FIZ1: variants seen among roughly 807,000 people sequenced by gnomAD.
FIZ1 encodes FLT3 interacting zinc finger 1, also known as flt3-interacting zinc finger protein 1.
Under a neutral mutation model 5.3 loss-of-function variants are expected in FIZ1, and 2 were observed. The ratio of observed to expected loss-of-function variants is 0.37; its 90% CI spans 0.15 to 1.18. The LOEUF (loss-of-function observed/expected upper bound fraction) is 1.18. Ranked by LOEUF, FIZ1 falls within the 50% of genes most tolerant of loss-of-function variation. FIZ1 has a pLI of 0.37. For missense variants in FIZ1, 631 were observed against 749.7 expected, an observed-to-expected ratio of 0.84 and a Z score of 1.85; for synonymous variants, 407 against 364.2, an observed-to-expected ratio of 1.12 and a Z score of -1.34.
rs1440830245 is a variant in FIZ1 at position 55,591,573 on chromosome 19, A to AGT, written c.*875_*876dup. ...CTACGGAGAGAGGGAAGGAAACCCC[A>AGT]GTGTCCACCACCTCCCACTCAGATG... On this transcript the variant is annotated 3_prime_UTR_variant, in exon 3 of 3. Coordinates refer to ENST00000221665, the MANE Select transcript of FIZ1 (RefSeq NM_032836.3). 6.6e-6 allele frequency: 1 copy of AGT among 152,362 alleles called. No homozygotes were observed. The highest frequency in any genetic ancestry group is 1.5e-5 in the Non-Finnish European group (1 of 68,162). 9.4% of individuals were successfully genotyped at this position (152,362 alleles called of 1,614,324 possible).
At position 55,592,772 on chromosome 19, in the gene FIZ1, GC is replaced by G; in HGVS notation, c.1168del (p.Ala390ArgfsTer100). 1 of 1,597,432 alleles carries G rather than the reference GC, an allele frequency of 6.3e-7. No individual in the cohort carries two copies. Among genetic ancestry groups the G allele is most frequent in the Non-Finnish European group, 8.5e-7 (1 of 1,175,316 alleles). ...CGGTTCCCTTTCCCGGGCGGCGGTC[GC>G]CGCCTCCTCCCCGCCGCCCTCACCG... is the stretch of plus-strand genomic sequence containing the variant. ...SHGEGGGEEA[A>X]TAAREREPAS... On this transcript the variant is annotated frameshift_variant, in exon 3 of 3. Coordinates refer to ENST00000221665, the MANE Select transcript of FIZ1 (RefSeq NM_032836.3). LOFTEE classifies it low-confidence loss of function (END_TRUNC). The surrounding 1 kb of genome is among the most constrained non-coding windows in gnomAD (Gnocchi z 6.9).
Position 55,592,279 on chromosome 19 carries a change from C to T in FIZ1, c.*171G>A, listed in dbSNP as rs1568514609. ...GTTTGTGGTCCCCCAGCTCCGGGGC[C>T]TTTGTGGGTTTTTGGTGGCCCCCAC... On this transcript the variant is annotated 3_prime_UTR_variant, in exon 3 of 3. Transcript: ENST00000221665. The surrounding 1 kb of genome is among the most constrained non-coding windows in gnomAD (Gnocchi z 6.9). 2.0e-5 allele frequency: 14 copies of T among 699,828 alleles called. No individual in the cohort carries two copies. The highest frequency in any genetic ancestry group is 3.2e-5 in the Non-Finnish European group (14 of 440,160). The allele number at this position is 699,828 out of a possible 1,614,324, so 43.4% of individuals were successfully genotyped here.
At chr19:55,597,509 G>C in intron 2 of FIZ1, 63 bp downstream of exon 2, 1 of 1,541,762 alleles carries the variant, frequency 6.5e-7, no homozygotes, top group South Asian at 1.2e-5. Context: ...GTACAGTGGG[G>C]CGCGGGATCC....
At position 55,592,729 on chromosome 19, in the gene FIZ1, C is replaced by G; in HGVS notation, c.1212G>C (p.Pro404=). ...TCTTCTTGCCGCGGCCGGAGCCAGACGGGGGTTCCCCGGACGCCGGTTCCC... is the reference window on the plus strand; with the variant it reads ...TCTTCTTGCCGCGGCCGGAGCCAGAGGGGGGTTCCCCGGACGCCGGTTCCC... ...REREPASGEP[P]SGSGRGKKIF... Residue 404 remains proline (P), a synonymous_variant, in exon 3 of 3, where the codon CCG becomes CCC. Transcript: ENST00000221665. This position sits in a 1 kb window ranked among gnomAD's most constrained non-coding sequence, Gnocchi z 6.9. 6.2e-7 allele frequency: 1 copy of G among 1,605,832 alleles called. No homozygotes were observed. Among genetic ancestry groups the G allele is most frequent in the Non-Finnish European group, 8.5e-7 (1 of 1,175,564 alleles).
chr19:55,599,144 A>C (rs2082235582), intron 1 of FIZ1: 3 of 147,488 alleles, frequency 2.0e-5, no homozygotes, highest in Non-Finnish European at 4.5e-5. Context: ...TCCCACTTCC[A>C]CTCTAAGCTC....
At chr19:55,596,459 C>A (rs991256419) in intron 2 of FIZ1, among the ~76,000 whole-genome samples, 1 of 152,118 alleles carries the variant, frequency 6.6e-6, no homozygotes, top group African/African-American at 2.4e-5. Context: ...TCCACCCCAA[C>A]CCCACAGTCT....
Position 55,597,901 on chromosome 19 carries a change from T to C in FIZ1, c.-36A>G, listed in dbSNP as rs760820625. On this transcript the variant is annotated splice_region_variant and 5_prime_UTR_variant, in exon 2 of 3. An upstream open reading frame in the 5' UTR loses its in-frame stop. Coordinates refer to ENST00000221665, the MANE Select transcript of FIZ1 (RefSeq NM_032836.3). ...AATACAGTGGTATGTGGGGGCTCTCTCTGGAGTAGTGGGGAGACAGAGGAG... is the reference window on the plus strand; with the variant it reads ...AATACAGTGGTATGTGGGGGCTCTCCCTGGAGTAGTGGGGAGACAGAGGAG... 1 of 1,533,094 alleles carries C rather than the reference T, an allele frequency of 6.5e-7. No homozygotes were observed. The allele number at this position is 1,533,094 out of a possible 1,614,324, so 95.0% of individuals were successfully genotyped here.
In FIZ1 at chr19:55,593,393, C is replaced by G; in HGVS notation, c.548G>C (p.Ser183Thr). 7.1e-7 allele frequency: 1 copy of G among 1,405,094 alleles called. No homozygotes were observed. Among genetic ancestry groups the G allele is most frequent in the East Asian group, 3.0e-5 (1 of 33,688 alleles). The allele number at this position is 1,405,094 out of a possible 1,614,324, so 87.0% of individuals were successfully genotyped here. A position where few individuals can be genotyped will look rare whatever the true frequency, so the allele number is the denominator to read the frequency against. The change falls in exon 3 of 3, where the codon AGC (serine) becomes ACC (threonine). Residue 183 changes from serine (S) to threonine (T), a missense_variant. By Grantham distance (58) the Ser-to-Thr change is moderately conservative. Around this residue, in one of 4 missense-constraint regions of FIZ1, gnomAD observed 463 missense variants for 455.1 expected, o/e 1.02. Coordinates refer to ENST00000221665, the MANE Select transcript of FIZ1 (RefSeq NM_032836.3). This position sits in a 1 kb window ranked among gnomAD's most constrained non-coding sequence, Gnocchi z 6.3. ...AGCTGCCGCCTCTGCCAGCCCCCAG[C>G]TGCCCAGACCCGCGCCTGCCCCCTC... The part of the protein sequence containing the change: ...GPEGAGAGLG[S>T]WGLAEAAAAA...
At position 55,592,561 on chromosome 19, in the gene FIZ1, G is replaced by A. The variant is rs1218053100; in HGVS notation, c.1380C>T (p.His460=). 2.5e-6 allele frequency: 4 copies of A among 1,612,352 alleles called. No individual in the cohort carries two copies. In the African/African-American group the frequency reaches 5.3e-5, roughly 22 times the overall value. Residue 460 remains histidine, a synonymous_variant, in exon 3 of 3, where the codon CAC becomes CAT. Transcript: ENST00000221665. The surrounding 1 kb of genome is among the most constrained non-coding windows in gnomAD (Gnocchi z 6.9). ...FFRHECYLKR[H]RLLHGTERPF... Reference sequence around the variant, plus strand: ...GCCGCTCGGTGCCGTGCAGCAGCCGGTGGCGCTTGAGGTAGCACTCGTGGC... The same window carrying A: ...GCCGCTCGGTGCCGTGCAGCAGCCGATGGCGCTTGAGGTAGCACTCGTGGC...
In FIZ1 at chr19:55,592,842, A is replaced by G. The variant is rs1980088162; in HGVS notation, c.1099T>C (p.Tyr367His). 6.4e-7 allele frequency: 1 copy of G among 1,562,234 alleles called. No individual in the cohort carries two copies. Residue 367 changes from tyrosine (Y) to histidine (H), a missense_variant, in exon 3 of 3, where the codon TAC becomes CAC. Tyr to His is a moderately conservative substitution (Grantham distance 83). Coordinates refer to ENST00000221665, the MANE Select transcript of FIZ1 (RefSeq NM_032836.3). This position sits in a 1 kb window ranked among gnomAD's most constrained non-coding sequence, Gnocchi z 6.9. ...TYGCGHCGAL[Y>H]AALAALEEHR... Reference sequence around the variant, plus strand: ...TCCTCCAAGGCGGCCAGCGCCGCGTACAGAGCCCCGCAGTGGCCGCAGCCG... The same window carrying G: ...TCCTCCAAGGCGGCCAGCGCCGCGTGCAGAGCCCCGCAGTGGCCGCAGCCG...
chr19:55,592,914 C>T lies in FIZ1; in HGVS notation c.1027G>A (p.Ala343Thr). The T allele has an allele frequency of 6.5e-7, 1 of 1,546,202 alleles. No homozygotes were observed. Among genetic ancestry groups the T allele is most frequent in the Non-Finnish European group, 8.7e-7 (1 of 1,154,104 alleles). The change falls in exon 3 of 3, where the codon GCG becomes ACG. Residue 343 changes from alanine (A) to threonine (T), a missense_variant. Around this residue, in one of 4 missense-constraint regions of FIZ1, gnomAD observed 463 missense variants for 455.1 expected, o/e 1.02. Transcript: ENST00000221665. The surrounding 1 kb of genome is among the most constrained non-coding windows in gnomAD (Gnocchi z 6.9). ...CDCGTFFASA[A>T]ALASHLEAHS... Reference sequence around the variant, plus strand: ...GCCTCCAGGTGACTGGCCAGGGCCGCGGCCGACGCAAAGAAGGTCCCGCAG... The same window carrying T: ...GCCTCCAGGTGACTGGCCAGGGCCGTGGCCGACGCAAAGAAGGTCCCGCAG...
chr19:55,593,482 G>C lies in FIZ1; in HGVS notation c.459C>G (p.Val153=). Residue 153 remains valine, a synonymous_variant, in exon 3 of 3, where the codon GTC becomes GTG. Transcript: ENST00000221665. This position sits in a 1 kb window ranked among gnomAD's most constrained non-coding sequence, Gnocchi z 6.3. The part of the protein sequence containing the change: ...GLPALSAPCS[V]CCNVGPCSVC... The stretch of plus-strand genomic sequence containing the variant: ...CCGAGCAGGGCCCCACATTGCAGCA[G>C]ACGGAGCAGGGCGCACTCAAGGCGG... The C allele has an allele frequency of 6.5e-7, 1 of 1,548,736 alleles. No homozygotes were observed. The highest frequency in any genetic ancestry group is 8.7e-7 in the Non-Finnish European group (1 of 1,146,436).
At chr19:55,597,084 G>C (rs896619467) in intron 2 of FIZ1, among the ~76,000 whole-genome samples, 1 of 152,234 alleles carries the variant, frequency 6.6e-6, no homozygotes, top group Non-Finnish European at 1.5e-5. Context: ...CCAAAAGAAA[G>C]TAAGTTTTCT....
At chr19:55,596,419 T>C (rs1277047137) in intron 2 of FIZ1, among the ~76,000 whole-genome samples, 1 of 152,154 alleles carries the variant, frequency 6.6e-6, no homozygotes, top group African/African-American at 2.4e-5. Flanking sequence ...GAGTGTGACC[T>C]AGCCCGTCCC....
rs1599984626 is a variant in FIZ1, at chr19:55,593,111, C to A, written c.830G>T (p.Gly277Val). ...AGCGTCGCCCGCCTCCGCAGCGGTGCCTTCGCCCGCCGTCTCGGGCCCTGC... is the reference window on the plus strand; with the variant it reads ...AGCGTCGCCCGCCTCCGCAGCGGTGACTTCGCCCGCCGTCTCGGGCCCTGC... ...PGAGPETAGE[G>V]TAAEAGDAPL... Residue 277 changes from glycine to valine, a missense_variant, in exon 3 of 3, where the codon GGC becomes GTC. Gly to Val is a moderately radical substitution (Grantham distance 109). This residue lies in a region of FIZ1 where 463 missense variants were observed against 455.1 expected (regional missense o/e 1.02). Transcript: ENST00000221665. The surrounding 1 kb of genome is among the most constrained non-coding windows in gnomAD (Gnocchi z 6.3). 2.3e-6 allele frequency: 3 copies of A among 1,287,038 alleles called. No individual in the cohort carries two copies. In the East Asian group the frequency reaches 1.2e-4, roughly 50 times the overall value. 79.7% of individuals were successfully genotyped at this position (1,287,038 alleles called of 1,614,324 possible).
At position 55,597,707 on chromosome 19, in the gene FIZ1, A is replaced by G; in HGVS notation, c.159T>C (p.Cys53=). The change falls in exon 2 of 3, where the codon TGT becomes TGC. Residue 53 remains cysteine, a synonymous_variant. Transcript: ENST00000221665. ...GCTTGAAACCCTTGCCGCAGCGCGG[A>G]CATGCGTGGGGCTTGAGCGCTGTGT... ...ARHTALKPHA[C]PRCGKGFKHS... is the part of the protein sequence containing the mutation. The G allele has an allele frequency of 6.2e-7, 1 of 1,614,028 alleles. No individual in the cohort carries two copies. The highest frequency in any genetic ancestry group is 8.5e-7 in the Non-Finnish European group (1 of 1,179,936).
Position 55,597,617 on chromosome 19 carries a change from G to A in FIZ1, c.249C>T (p.Ala83=), listed in dbSNP as rs764383599. Residue 83 remains alanine, a synonymous_variant, in exon 2 of 3, where the codon GCC becomes GCT. Coordinates refer to ENST00000221665, the MANE Select transcript of FIZ1 (RefSeq NM_032836.3). ...TGGAGTCGCGGAACCCCTTGGGGCA[G>A]GCAGAGCAGCGGTAGGGCCGCTCCC... ...HTGERPYRCS[A]CPKGFRDSTG... 6.2e-7 allele frequency: 1 copy of A among 1,613,420 alleles called. No homozygotes were observed. Among genetic ancestry groups the A allele is most frequent in the Non-Finnish European group, 8.5e-7 (1 of 1,179,846 alleles).
Position 55,592,408 on chromosome 19 carries a change from C to T in FIZ1, c.*42G>A. On this transcript the variant is annotated 3_prime_UTR_variant, in exon 3 of 3. Transcript: ENST00000221665. The surrounding 1 kb of genome is among the most constrained non-coding windows in gnomAD (Gnocchi z 6.9). ...CGAGGTCCCCTGGTCCAGGCCGAGTCCAGGAGGCTGGGTGGAGGGCAGGGC... is the reference window on the plus strand; with the variant it reads ...CGAGGTCCCCTGGTCCAGGCCGAGTTCAGGAGGCTGGGTGGAGGGCAGGGC... 1 of 1,500,322 alleles carries T rather than the reference C, an allele frequency of 6.7e-7. No homozygotes were observed. Among genetic ancestry groups the T allele is most frequent in the Non-Finnish European group, 8.9e-7 (1 of 1,118,924 alleles). The allele number at this position is 1,500,322 out of a possible 1,614,324, so 92.9% of individuals were successfully genotyped here.
intron 2 of FIZ1, among the ~76,000 whole-genome samples, chr19:55,595,114 C>G (rs1568516969): frequency 6.6e-6 from 1 of 152,112 alleles, no homozygotes; most frequent in African/African-American, 2.4e-5. Context: ...TTTGGAATAA[C>G]AGAGAGAGAT....
Sources: allele counts gnomAD v4.1 joint callset (sites outside exome capture counted in the v4.1 genomes callset), GRCh38; gene constraint gnomAD v4.1.1; regional missense constraint gnomAD v4.1.1; non-coding constraint Gnocchi (gnomAD v3.1); transcripts MANE v1.5; gene names NCBI Gene and HGNC (gene_info 2026-07-23, HGNC 2026-07-21).